Variants in LINGO2 observed in about 807,000 individuals in gnomAD.
The protein encoded by LINGO2 is leucine-rich repeat and immunoglobulin-like domain-containing nogo receptor-interacting protein 2.
A neutral mutation model predicts 30.6 loss-of-function variants in LINGO2; 14 were observed. The ratio of observed to expected loss-of-function variants is 0.46; its 90% confidence interval spans 0.30 to 0.72. The LOEUF is 0.72. Ranked by LOEUF, LINGO2 falls within the 30% of genes least tolerant of loss-of-function variation. LINGO2 has a pLI of 0.07. For synonymous variants in LINGO2, 317 were observed against 288.5 expected (o/e 1.10, Z -1.00); for missense variants, 729 against 751.7 (o/e 0.97, Z 0.35).
At chr9:29,160,482 A>C in the LINGO2 span, among the ~76,000 whole-genome samples, 1 of 152,246 alleles carries the variant, frequency 6.6e-6, no homozygotes, top group Admixed American at 6.5e-5. Flanking sequence ...GTCTAAAATT[A>C]ATAAGTGACC....
chr9:28,768,894 T>C, the LINGO2 span, among the ~76,000 whole-genome samples: 3 of 152,084 alleles, frequency 2.0e-5, no homozygotes, highest in African/African-American at 7.2e-5. Context: ...ACATATAATA[T>C]ATACACATAA....
the LINGO2 span, among the ~76,000 whole-genome samples, chr9:28,917,318 C>T: frequency 6.6e-6 from 1 of 152,096 alleles, no homozygotes; most frequent in Non-Finnish European, 1.5e-5. Flanking sequence ...TGTTAAGAGG[C>T]CTGCTTTCCT....
At chr9:28,635,393 CATG>C (rs1323077601) in intron 1 of LINGO2, among the ~76,000 whole-genome samples, 1 of 152,002 alleles carries the variant, frequency 6.6e-6, no homozygotes, top group Non-Finnish European at 1.5e-5. Context: ...TGGGTGGTAT[CATG>C]ATGACAGTAG....
intron 4 of LINGO2, among the ~76,000 whole-genome samples, chr9:28,051,512 G>A (rs970665679): frequency 3.3e-5 from 5 of 152,060 alleles, no homozygotes; most frequent in Admixed American, 3.3e-4. Context: ...AATTTATGAA[G>A]TGAATACCTT....
At chr9:29,191,434 CA>C in the LINGO2 span, among the ~76,000 whole-genome samples, 382 of 152,102 alleles carry the variant, frequency 2.5e-3, 15 homozygotes, top group South Asian at 0.075. Context: ...TATACATATA[CA>C]TTTTTTATTA....
rs1478413720 is a variant in LINGO2, at chr9:28,580,918, T to A, written c.-365+89282A>T. Among the ~76,000 whole-genome samples the A allele has an allele frequency of 2.0e-5, 3 of 151,898 alleles. No homozygotes were observed. In the East Asian group the frequency reaches 5.8e-4, roughly 29 times the overall value. On this transcript the variant is annotated intron_variant, in intron 1 of 5. Transcript: ENST00000379992. ...AGTGACAGTTGAACCTTTAAAAAAA[T>A]AAACATTTTTTCACTGTAAACAAAA...
the LINGO2 span, among the ~76,000 whole-genome samples, chr9:29,155,221 G>T: frequency 6.6e-6 from 1 of 151,962 alleles, no homozygotes; most frequent in Non-Finnish European, 1.5e-5. Flanking sequence ...TCTTTTCTTG[G>T]CACAAAATGA....
the LINGO2 span, among the ~76,000 whole-genome samples, chr9:28,823,892 T>C: frequency 2.7e-4 from 41 of 152,290 alleles, no homozygotes; most frequent in Non-Finnish European, 4.9e-4. Flanking sequence ...ATGTCAGGTA[T>C]ATATATTGAC....
At chr9:28,081,471 A>G (rs901451250) in intron 4 of LINGO2, among the ~76,000 whole-genome samples, 2 of 152,182 alleles carry the variant, frequency 1.3e-5, no homozygotes, top group African/African-American at 2.4e-5. Context: ...ATATAATGGT[A>G]ATGTTCATTT....
intron 2 of LINGO2, among the ~76,000 whole-genome samples, chr9:28,463,526 A>T (rs1045748730): frequency 2.0e-5 from 3 of 152,082 alleles, no homozygotes; most frequent in African/African-American, 7.2e-5. Flanking sequence ...CAAGTAATGT[A>T]AATTAAATAG....
chr9:28,799,345 A>G, the LINGO2 span, among the ~76,000 whole-genome samples: 1 of 152,076 alleles, frequency 6.6e-6, no homozygotes, highest in Admixed American at 6.6e-5. Flanking sequence ...TAGAGAAGCA[A>G]TGTCCATATC....
In LINGO2 at chr9:28,052,148, T is replaced by C. The variant is rs1004675681; in HGVS notation, c.-86-39743A>G. ...AATTTTAATTCGTTAAAGAAGCACA[T>C]AGTTCCTCTGTAGTGAATTCAACAA... is the stretch of plus-strand genomic sequence containing the variant. On this transcript the variant is annotated intron_variant, in intron 4 of 5. Transcript: ENST00000379992. Among the ~76,000 whole-genome samples the C allele has an allele frequency of 4.5e-4, 68 of 152,092 alleles. 1 individual carries two copies. Among genetic ancestry groups the C allele is most frequent in the African/African-American group, 1.6e-3 (65 of 41,438 alleles).
chr9:28,582,017 T>C (rs1268034401), intron 1 of LINGO2, among the ~76,000 whole-genome samples: 3 of 152,156 alleles, frequency 2.0e-5, no homozygotes, highest in African/African-American at 7.2e-5. Flanking sequence ...AGACACTCTA[T>C]GTTTGTGAGA....
the LINGO2 span, among the ~76,000 whole-genome samples, chr9:28,737,852 T>G: frequency 1.3e-5 from 2 of 152,132 alleles, no homozygotes; most frequent in Non-Finnish European, 2.9e-5. Flanking sequence ...ACATGCACTT[T>G]AAATTTGAAC....
chr9:28,946,120 T>C, the LINGO2 span, among the ~76,000 whole-genome samples: 1 of 152,194 alleles, frequency 6.6e-6, no homozygotes, highest in Admixed American at 6.5e-5. Context: ...GATTTACATA[T>C]ATGCTTTGTA....
chr9:28,632,396 C>T (rs1826987877), intron 1 of LINGO2, among the ~76,000 whole-genome samples: 2 of 151,590 alleles, frequency 1.3e-5, no homozygotes, highest in African/African-American at 4.8e-5. Flanking sequence ...GTTATACCTA[C>T]CCAGTCTCAC....
chr9:28,301,728 T>TTCAATTCA (rs1189394407), intron 3 of LINGO2, among the ~76,000 whole-genome samples: 2 of 152,190 alleles, frequency 1.3e-5, no homozygotes, highest in Admixed American at 1.3e-4. Context: ...AAGTGAGAAA[T>TTCAATTCA]GGCCTTTCAA....
intron 3 of LINGO2, among the ~76,000 whole-genome samples, chr9:28,318,127 A>C (rs1474626437): frequency 6.6e-6 from 1 of 152,186 alleles, no homozygotes; most frequent in Non-Finnish European, 1.5e-5. Context: ...TCAGGCTACA[A>C]TTGGACTAAT....
the LINGO2 span, among the ~76,000 whole-genome samples, chr9:29,160,611 A>G: frequency 6.6e-6 from 1 of 150,966 alleles, no homozygotes; most frequent in Non-Finnish European, 1.5e-5. Context: ...ACCAGAGAGA[A>G]TGTTACGATT....
Sources: gnomAD v4.1 joint callset for allele counts (sites outside exome capture counted in the v4.1 genomes callset) on GRCh38, gnomAD v4.1.1 for gene constraint, MANE v1.5 for transcripts, NCBI Gene and HGNC (gene_info 2026-07-23, HGNC 2026-07-21) for gene names.